Variants in DOCK9 observed in about 807,000 individuals in gnomAD.
DOCK9 encodes dedicator of cytokinesis protein 9.
A neutral mutation model predicts 263.3 loss-of-function variants in DOCK9; 89 were observed. The observed-to-expected ratio is 0.34, with a 90% confidence interval of 0.28 to 0.40. The LOEUF is 0.40. Ranked by LOEUF, DOCK9 falls within the 10% of genes least tolerant of loss-of-function variation. DOCK9 has a pLI of 1.00. For synonymous variants in DOCK9, 976 were observed against 973.1 expected (o/e 1.00, Z -0.06); for missense variants, 2,140 against 2,603.4 (o/e 0.82, Z 3.87).
At chr13:99,021,153 T>C (rs1886042406) in intron 1 of DOCK9, among the ~76,000 whole-genome samples, 1 of 152,210 alleles carries the variant, frequency 6.6e-6, no homozygotes, top group South Asian at 2.1e-4. Flanking sequence ...GCCTAGTATA[T>C]ACCACATGCT....
chr13:98,796,136 C>A, intron 52 of DOCK9: 2 of 1,262,324 alleles, frequency 1.6e-6, no homozygotes, highest in South Asian at 2.6e-5. Context: ...TGTAGTTGCT[C>A]AAACTCAAAA....
chr13:98,935,250 GAT>G (rs952651620), intron 2 of DOCK9, among the ~76,000 whole-genome samples: 9 of 152,074 alleles, frequency 5.9e-5, no homozygotes, highest in African/African-American at 1.7e-4. Context: ...ACAAAATTAA[GAT>G]ATAATGAATG....
intron 11 of DOCK9, 104 bp from the exon 12 acceptor site, chr13:98,902,595 TAA>T: frequency 9.4e-7 from 1 of 1,060,606 alleles, no homozygotes; most frequent in Non-Finnish European, 1.4e-6. Flanking sequence ...ACTGTTGCCA[TAA>T]ATTACTACTA....
At chr13:98,970,685 A>T (rs2059650088) in intron 1 of DOCK9, among the ~76,000 whole-genome samples, 1 of 152,226 alleles carries the variant, frequency 6.6e-6, no homozygotes, top group African/African-American at 2.4e-5. Context: ...CCAAAGCCTC[A>T]AAATGTCATT....
intron 9 of DOCK9, among the ~76,000 whole-genome samples, chr13:98,906,288 T>C (rs9300521): frequency 0.57 from 85,950 of 151,670 alleles, 24,631 homozygotes; most frequent in Middle Eastern, 0.61. Flanking sequence ...GGGCCCAACA[T>C]TGAAGAGGTG....
At chr13:98,894,321 A>G (rs2047061634) in intron 15 of DOCK9, among the ~76,000 whole-genome samples, 1 of 152,224 alleles carries the variant, frequency 6.6e-6, no homozygotes, top group South Asian at 2.1e-4. Context: ...AGAATGTTAT[A>G]AAGTGGAAGG....
upstream of DOCK9, among the ~76,000 whole-genome samples, chr13:98,980,058 C>G (rs143925246): frequency 3.3e-5 from 5 of 152,302 alleles, no homozygotes; most frequent in African/African-American, 1.2e-4. Context: ...CAGGGTCTTG[C>G]TCTGTAGTCC....
chr13:98,923,777 C>T (rs2052469526), intron 4 of DOCK9, among the ~76,000 whole-genome samples: 1 of 152,146 alleles, frequency 6.6e-6, no homozygotes, highest in Non-Finnish European at 1.5e-5. Flanking sequence ...ACACCAATAC[C>T]AATAAGCAGC....
At chr13:98,942,151 T>C (rs1393098105) in intron 2 of DOCK9, among the ~76,000 whole-genome samples, 4 of 152,120 alleles carry the variant, frequency 2.6e-5, no homozygotes, top group Admixed American at 6.5e-5. Context: ...AACCTTGAGG[T>C]AGGTGTAAGT....
chr13:98,964,217 T>C (rs2058969502), intron 1 of DOCK9, among the ~76,000 whole-genome samples: 1 of 152,180 alleles, frequency 6.6e-6, no homozygotes, highest in African/African-American at 2.4e-5. Context: ...TCTGGCCCAC[T>C]AGAAGGAACC....
chr13:99,048,307 C>T (rs61968947), intron 1 of DOCK9, among the ~76,000 whole-genome samples: 41,937 of 152,012 alleles, frequency 0.28, 6,150 homozygotes, highest in East Asian at 0.43. Flanking sequence ...TGGAGACAGC[C>T]TGCGTGCACC....
intron 1 of DOCK9, among the ~76,000 whole-genome samples, chr13:98,962,241 T>C (rs764190050): frequency 4.6e-5 from 7 of 152,216 alleles, no homozygotes; most frequent in Non-Finnish European, 1.0e-4. Flanking sequence ...TAGAGGTTCA[T>C]TGATAAAAAT....
intron 39 of DOCK9, 138 bp from the exon 40 acceptor site, chr13:98,831,924 A>G (rs2092778915): frequency 9.7e-7 from 1 of 1,025,668 alleles, no homozygotes; most frequent in South Asian, 1.8e-5. Flanking sequence ...TGAATCCTCT[A>G]GGAAAGTACA....
rs964229243 is a variant in DOCK9 at position 98,904,576 on chromosome 13, G to A, written c.1035+56C>T. ...AAACAAATAAACAAATAAGCCCATC[G>A]ATGATTTTCTCTCCCACATTTGGTT... On this transcript the variant is annotated intron_variant, in intron 10 of 52. Coordinates refer to ENST00000682017, the MANE Select transcript of DOCK9 (RefSeq NM_001366683.2). 3.2e-5 allele frequency: 41 copies of A among 1,271,898 alleles called. No individual in the cohort carries two copies. The East Asian group carries it at 3.6e-4, about 11-fold the overall frequency. The allele number at this position is 1,271,898 out of a possible 1,614,324, so 78.8% of individuals were successfully genotyped here.
chr13:98,926,018 A>C, intron 3 of DOCK9, 99 bp from the exon 4 acceptor site: 1 of 904,238 alleles, frequency 1.1e-6, no homozygotes, highest in Non-Finnish European at 1.6e-6. Context: ...CCATAGAAAC[A>C]TCAAAAAAAT....
intron 14 of DOCK9, among the ~76,000 whole-genome samples, chr13:98,897,883 C>T (rs1200850505): frequency 6.6e-6 from 1 of 152,118 alleles, no homozygotes; most frequent in Non-Finnish European, 1.5e-5. Context: ...AAAGATCACC[C>T]CAGGCCTCAC....
upstream of DOCK9, among the ~76,000 whole-genome samples, chr13:98,981,079 C>T (rs1459701831): frequency 1.4e-5 from 2 of 148,106 alleles, no homozygotes; most frequent in Non-Finnish European, 3.0e-5. Context: ...TTTTTCAAGG[C>T]AGGGTTTGGC....
chr13:98,920,412 T>C (rs2051750228), intron 7 of DOCK9, among the ~76,000 whole-genome samples: 1 of 152,216 alleles, frequency 6.6e-6, no homozygotes, highest in African/African-American at 2.4e-5. Flanking sequence ...TAACCATATT[T>C]GGTACTGCCA....
chr13:99,000,654 G>C (rs531597099), intron 1 of DOCK9, among the ~76,000 whole-genome samples: 2 of 152,134 alleles, frequency 1.3e-5, no homozygotes, highest in Non-Finnish European at 2.9e-5. Context: ...AGATGGGCTG[G>C]CATACAGACT....
Sources: gnomAD v4.1 joint callset for allele counts (sites outside exome capture counted in the v4.1 genomes callset) on GRCh38, gnomAD v4.1.1 for gene constraint, MANE v1.5 for transcripts, NCBI Gene and HGNC (gene_info 2026-07-23, HGNC 2026-07-21) for gene names.